MYO19: variants seen among roughly 807,000 people sequenced by gnomAD.
The protein encoded by MYO19 is unconventional myosin-XIX.
In MYO19, 132 loss-of-function variants were observed where a neutral mutation model predicts 129.2. That is an observed-to-expected ratio of 1.02 (90% CI 0.89 to 1.18). MYO19 has a LOEUF of 1.18. MYO19 is among the 50% of genes most tolerant of loss of function. MYO19 has a pLI of 0.00. For missense variants in MYO19, 1,210 were observed against 1,216.7 expected (o/e 0.99, Z 0.08); for synonymous variants, 531 against 477.2 (o/e 1.11, Z -1.47).
At chr17:36,508,871 T>C (rs2141997320) in intron 14 of MYO19, 191 bp downstream of exon 14, 1 of 612,860 alleles carries the variant, frequency 1.6e-6, no homozygotes, top group African/African-American at 1.8e-5. Flanking sequence ...TGCTCAGATG[T>C]GGGTGCAGGA....
chr17:36,538,166 C>T (rs776190334), upstream of MYO19: 252 of 1,613,754 alleles, frequency 1.6e-4, no homozygotes, highest in Non-Finnish European at 2.1e-4. Context: ...TATCTCTTTA[C>T]GTAGTTCAAG....
chr17:36,496,282 A>T lies in MYO19; in HGVS notation c.2882T>A (p.Val961Glu). 2 of 1,614,048 alleles carry T rather than the reference A, an allele frequency of 1.2e-6. No homozygotes were observed. The highest frequency in any genetic ancestry group is 1.7e-6 in the Non-Finnish European group (2 of 1,179,898). Residue 961 changes from valine to glutamate, a missense_variant, in exon 26 of 26, where the codon GTG becomes GAG. Coordinates refer to ENST00000614623, the MANE Select transcript of MYO19 (RefSeq NM_001163735.2). ...CAGCCCAGTGAAGGCAGAAGAGGTC[A>T]CGTGGATCAGCCTGTGTCTTTCCAG... is the stretch of plus-strand genomic sequence containing the variant. Reference protein sequence around the residue: ...ILLERHRLIHVTSSAFTGLG With the variant: ...ILLERHRLIHETSSAFTGLG
At position 36,499,266 on chromosome 17, in the gene MYO19, GTT is replaced by G. The variant is rs111268012; in HGVS notation, c.2378-108_2378-107del. The G allele has an allele frequency of 1.7e-3, 962 of 553,740 alleles. 9 individuals carry two copies. The highest frequency in any genetic ancestry group is 0.016 in the African/African-American group (815 of 50,218). 34.3% of individuals were successfully genotyped at this position (553,740 alleles called of 1,614,324 possible). A position where few individuals can be genotyped will look rare whatever the true frequency, so the allele number is the denominator to read the frequency against. On this transcript the variant is annotated intron_variant, in intron 23 of 25. Coordinates refer to ENST00000614623, the MANE Select transcript of MYO19 (RefSeq NM_001163735.2). ...CAGTTGCTGTCAAAGTTTCAAATAC[GTT>G]TTTTTTTTTTCAATAAATTGCTACA...
intron 6 of MYO19, among the ~76,000 whole-genome samples, chr17:36,522,028 T>TCAAAAAAAAAAAAAAAAAAAAA (rs1567777190): frequency 3.5e-5 from 4 of 115,288 alleles, no homozygotes; most frequent in Admixed American, 9.2e-5. Flanking sequence ...AGACTGTCTT[T>TCAAAAAAAAAAAAAAAAAAAAA]AAAAAAAAAA....
chr17:36,516,561 G>A (rs754204214), intron 6 of MYO19, among the ~76,000 whole-genome samples: 18 of 152,072 alleles, frequency 1.2e-4, no homozygotes, highest in Non-Finnish European at 2.5e-4. Flanking sequence ...TAGTAAAGAC[G>A]GGGTTTCACC....
At chr17:36,536,518 CTTTT>C (rs1315279215), upstream of MYO19, among the ~76,000 whole-genome samples, 1 of 139,216 alleles carries the variant, frequency 7.2e-6, no homozygotes, top group Non-Finnish European at 1.6e-5. Context: ...TTTGCTTTTT[CTTTT>C]CCTTTTTTTT....
chr17:36,523,264 G>A (rs1165034098), intron 6 of MYO19, among the ~76,000 whole-genome samples: 1 of 152,030 alleles, frequency 6.6e-6, no homozygotes, highest in Admixed American at 6.6e-5. Context: ...TAGGACAGAT[G>A]GGAATCTGGG....
chr17:36,512,543 G>T, intron 11 of MYO19: 1 of 1,124,354 alleles, frequency 8.9e-7, no homozygotes. Context: ...CCACCAGGCA[G>T]AAGGGCTGTG....
intron 10 of MYO19, 38 bp from the exon 11 acceptor site, chr17:36,513,543 CAGCA>C: frequency 6.2e-7 from 1 of 1,613,678 alleles, no homozygotes; most frequent in Non-Finnish European, 8.5e-7. Context: ...AGGTCAGCAG[CAGCA>C]AGATGCGAGG....
At chr17:36,538,311 G>A (rs200125663), upstream of MYO19, 67 of 1,613,500 alleles carry the variant, frequency 4.2e-5, no homozygotes, top group Admixed American at 1.1e-3. Flanking sequence ...TCTAATTAAA[G>A]GAGCTCTAGT....
chr17:36,498,634 C>A, intron 24 of MYO19, 75 bp from the exon 25 acceptor site: 1 of 1,449,386 alleles, frequency 6.9e-7, no homozygotes, highest in Non-Finnish European at 9.2e-7. Context: ...TCAAAACTAT[C>A]TTTAACAAAT....
chr17:36,540,075 AAGAGCATGGGC>A (rs1269804518), intron 2 of MYO19, among the ~76,000 whole-genome samples: 3 of 152,118 alleles, frequency 2.0e-5, no homozygotes, highest in Non-Finnish European at 4.4e-5. Context: ...CAGAAGAAGG[AAGAGCATGGGC>A]AGAGAGCTGG....
intron 13 of MYO19, chr17:36,509,548 G>C (rs1398742108): frequency 4.4e-6 from 1 of 226,610 alleles, no homozygotes; most frequent in East Asian, 1.1e-4. Context: ...GGAGCCCAGA[G>C]CTCAAGGCCC....
rs909387194 is a variant in MYO19, at chr17:36,507,155, A to G, written c.1468-16T>C. On this transcript the variant is annotated splice_polypyrimidine_tract_variant and intron_variant, in intron 16 of 25. Coordinates refer to ENST00000614623, the MANE Select transcript of MYO19 (RefSeq NM_001163735.2). ...GGCGGCATTCCTGTGGGATGGGAAC[A>G]GGGGGTCAGCCACCAACATGAGAGT... 4.4e-6 allele frequency: 7 copies of G among 1,590,318 alleles called. No homozygotes were observed. The Admixed American group carries it at 6.8e-5, about 15-fold the overall frequency.
intron 19 of MYO19, 130 bp from the exon 20 acceptor site, chr17:36,504,150 T>A: frequency 1.6e-6 from 1 of 624,118 alleles, no homozygotes; most frequent in Non-Finnish European, 2.6e-6. Context: ...GCTTGGCTAA[T>A]GGGGGTATCT....
intron 23 of MYO19, 24 bp downstream of exon 23, chr17:36,500,806 C>T: frequency 6.3e-7 from 1 of 1,593,108 alleles, no homozygotes; most frequent in Non-Finnish European, 8.5e-7. Flanking sequence ...GTGAGCAGTG[C>T]TGACAGGTGA....
chr17:36,522,278 G>A (rs1386218223), intron 6 of MYO19, among the ~76,000 whole-genome samples: 1 of 149,698 alleles, frequency 6.7e-6, no homozygotes, highest in Non-Finnish European at 1.5e-5. Flanking sequence ...GGGAGGCCGA[G>A]GCAGGTGGAT....
In MYO19 at chr17:36,496,316, G is replaced by A; in HGVS notation, c.2848C>T (p.Gln950Ter). The change falls in exon 26 of 26, where the codon CAG becomes TAG. Residue 950 changes from glutamine to a stop codon, truncating the protein, a stop_gained. Coordinates refer to ENST00000614623, the MANE Select transcript of MYO19 (RefSeq NM_001163735.2). LOFTEE classifies it high-confidence loss of function. The part of the protein sequence containing the change: ...PSPYSITGFN[Q>*]ILLERHRLIH... ...AGCCTGTGTCTTTCCAGCAGAATCT[G>A]ATTAAAGCCTGTAATGCTGTAGGGT... 6.2e-7 allele frequency: 1 copy of A among 1,613,222 alleles called. No individual in the cohort carries two copies. Among genetic ancestry groups the A allele is most frequent in the Admixed American group, 1.7e-5 (1 of 60,010 alleles).
chr17:36,514,304 A>C, intron 9 of MYO19, 142 bp downstream of exon 9: 1 of 655,410 alleles, frequency 1.5e-6, no homozygotes, highest in South Asian at 1.8e-5. Flanking sequence ...GCTGCATGTA[A>C]AGTCTGCAGG....
Sources: allele counts gnomAD v4.1 joint callset (sites outside exome capture counted in the v4.1 genomes callset), GRCh38; gene constraint gnomAD v4.1.1; transcripts MANE v1.5; gene names NCBI Gene and HGNC (gene_info 2026-07-23, HGNC 2026-07-21).